TANC2: variants seen among roughly 807,000 people sequenced by gnomAD.
The protein encoded by TANC2 is tetratricopeptide repeat, ankyrin repeat and coiled-coil containing 2, also known as protein TANC2.
A neutral mutation model predicts 210.5 loss-of-function variants in TANC2; 26 were observed. That is an observed-to-expected ratio of 0.12 (90% CI 0.09 to 0.17). TANC2 has a LOEUF of 0.17. Among genes scored for constraint, TANC2 ranks in the 10% least tolerant of loss-of-function variants. TANC2 has a pLI of 1.00. For synonymous variants in TANC2, 931 were observed against 967.1 expected, an observed-to-expected ratio of 0.96 and a Z score of 0.69; for missense variants, 2,129 against 2,608.9, an observed-to-expected ratio of 0.82 and a Z score of 4.01.
intron 2 of TANC2, among the ~76,000 whole-genome samples, chr17:63,063,851 C>T (rs891805651): frequency 1.3e-5 from 2 of 152,082 alleles, no homozygotes; most frequent in Non-Finnish European, 2.9e-5. Flanking sequence ...TACCTTTTCA[C>T]GATTTTCTCT....
intron 1 of TANC2, among the ~76,000 whole-genome samples, chr17:63,006,828 G>A (rs997011667): frequency 1.3e-5 from 2 of 151,972 alleles, no homozygotes; most frequent in African/African-American, 4.8e-5. Flanking sequence ...ACAAAGGTGT[G>A]TTGGTCTCCC....
intron 1 of TANC2, chr17:63,004,772 T>C: frequency 2.9e-6 from 1 of 343,618 alleles, no homozygotes; most frequent in East Asian, 7.8e-5. Flanking sequence ...TTCCATTTTC[T>C]GCAGGGTTAT....
rs377361135 is a variant in TANC2 at position 63,420,895 on chromosome 17, A to G, written c.5165A>G (p.His1722Arg). 46 of 1,613,906 alleles carry G rather than the reference A, an allele frequency of 2.9e-5. No individual in the cohort carries two copies. Among genetic ancestry groups the G allele is most frequent in the Admixed American group, 6.7e-5 (4 of 60,002 alleles). Reference sequence around the variant, plus strand: ...ACAGGAGCCTATGGCCAAGTAGCCCATTCAATGGCCAGTAAATACCAGTCT... The same window carrying G: ...ACAGGAGCCTATGGCCAAGTAGCCCGTTCAATGGCCAGTAAATACCAGTCT... Residue 1722 changes from histidine to arginine, a missense_variant, in exon 28 of 28, where the codon CAT becomes CGT. Transcript: ENST00000689528. This position sits in a 1 kb window ranked among gnomAD's most constrained non-coding sequence, Gnocchi z 4.2.
At chr17:63,049,711 G>A (rs980533813) in intron 2 of TANC2, among the ~76,000 whole-genome samples, 3 of 152,158 alleles carry the variant, frequency 2.0e-5, no homozygotes, top group Non-Finnish European at 4.4e-5. Context: ...GATCTATTTT[G>A]TGTTTTAACA....
At chr17:62,991,981 C>T (rs2032894505) in intron 1 of TANC2, among the ~76,000 whole-genome samples, 1 of 151,952 alleles carries the variant, frequency 6.6e-6, no homozygotes, top group African/African-American at 2.4e-5. Context: ...GTCTGCCAAC[C>T]ATGGATCAAA....
At chr17:63,395,434 CAAAG>C (rs894110987) in intron 17 of TANC2, among the ~76,000 whole-genome samples, 4 of 151,990 alleles carry the variant, frequency 2.6e-5, no homozygotes, top group African/African-American at 9.7e-5. Flanking sequence ...TTTGAGGAGA[CAAAG>C]AAGAATTTAC....
chr17:63,254,501 C>G (rs987208602), intron 8 of TANC2, among the ~76,000 whole-genome samples: 2 of 152,250 alleles, frequency 1.3e-5, no homozygotes, highest in Non-Finnish European at 1.5e-5. Flanking sequence ...GCTGGGACTT[C>G]CAGAACTATG....
intron 4 of TANC2, among the ~76,000 whole-genome samples, chr17:63,124,555 G>A (rs2038630459): frequency 6.6e-6 from 1 of 152,132 alleles, no homozygotes; most frequent in East Asian, 1.9e-4. Context: ...ACATAAAATC[G>A]GTGGGAGAAG....
intron 5 of TANC2, among the ~76,000 whole-genome samples, chr17:63,179,438 TAAG>T (rs1303927804): frequency 6.6e-6 from 1 of 152,176 alleles, no homozygotes; most frequent in African/African-American, 2.4e-5. Context: ...ATTTGTAAGA[TAAG>T]AAATGTCGTG....
chr17:63,292,959 A>G (rs965478424), intron 9 of TANC2, among the ~76,000 whole-genome samples: 3 of 152,180 alleles, frequency 2.0e-5, no homozygotes, highest in Admixed American at 6.5e-5. Flanking sequence ...CCTCCCTGCT[A>G]TATGCTTCCC....
chr17:63,289,107 T>C (rs1335369123), intron 9 of TANC2, among the ~76,000 whole-genome samples: 5 of 152,180 alleles, frequency 3.3e-5, no homozygotes, highest in Non-Finnish European at 7.3e-5. Context: ...CTGGCTTCTT[T>C]CATGATTTGT....
chr17:63,081,576 A>G (rs1010651330), intron 3 of TANC2, among the ~76,000 whole-genome samples: 4 of 152,228 alleles, frequency 2.6e-5, no homozygotes, highest in Non-Finnish European at 5.9e-5. Flanking sequence ...CTCCAGGAAC[A>G]TACTTAAATT....
At chr17:63,387,283 G>A (rs2047815624) in intron 15 of TANC2, among the ~76,000 whole-genome samples, 1 of 152,150 alleles carries the variant, frequency 6.6e-6, no homozygotes, top group Non-Finnish European at 1.5e-5. Flanking sequence ...CCTTCCCACA[G>A]CATTATTCAC....
At chr17:63,121,454 TA>T (rs1167303938) in intron 4 of TANC2, among the ~76,000 whole-genome samples, 2 of 152,066 alleles carry the variant, frequency 1.3e-5, no homozygotes, top group African/African-American at 4.8e-5. Context: ...TCCATTGGCC[TA>T]CATCAGTGAT....
intron 15 of TANC2, among the ~76,000 whole-genome samples, chr17:63,382,689 T>G (rs2047650829): frequency 1.3e-5 from 2 of 152,244 alleles, no homozygotes; most frequent in South Asian, 4.1e-4. Flanking sequence ...ACCCCATTTC[T>G]CTGTCTCCCT....
intron 14 of TANC2, among the ~76,000 whole-genome samples, chr17:63,367,698 G>C (rs1203991222): frequency 6.6e-6 from 1 of 152,166 alleles, no homozygotes; most frequent in Non-Finnish European, 1.5e-5. Context: ...AAAGGAAAAG[G>C]TAATGGCAGT....
At chr17:63,026,756 G>A (rs2034570737) in intron 2 of TANC2, among the ~76,000 whole-genome samples, 1 of 152,122 alleles carries the variant, frequency 6.6e-6, no homozygotes, top group African/African-American at 2.4e-5. Context: ...TCCATACTCT[G>A]AATTTCTTTG....
In TANC2 at chr17:63,412,120, A is replaced by G; in HGVS notation, c.3888A>G (p.Gly1296=). 6.2e-7 allele frequency: 1 copy of G among 1,613,954 alleles called. No individual in the cohort carries two copies. The highest frequency in any genetic ancestry group is 8.5e-7 in the Non-Finnish European group (1 of 1,179,864). Residue 1296 remains glycine (G), a synonymous_variant, in exon 23 of 28, where the codon GGA becomes GGG. Transcript: ENST00000689528. This position sits in a 1 kb window ranked among gnomAD's most constrained non-coding sequence, Gnocchi z 4.2. ...TTGTTGTCACTCTTCTGAAGAAAGG[A>G]GCCAAGATAGGTAGGAGAAGGGAAG... is the stretch of plus-strand genomic sequence containing the variant.
intron 8 of TANC2, among the ~76,000 whole-genome samples, chr17:63,266,271 T>C (rs1401652116): frequency 6.6e-6 from 1 of 152,170 alleles, no homozygotes; most frequent in Admixed American, 6.5e-5. Context: ...GCTACATTCT[T>C]TAGTAAAATG....
Sources: gnomAD v4.1 joint callset for allele counts (sites outside exome capture counted in the v4.1 genomes callset) on GRCh38, gnomAD v4.1.1 for gene constraint, Gnocchi (gnomAD v3.1) non-coding constraint, MANE v1.5 for transcripts, NCBI Gene and HGNC (gene_info 2026-07-23, HGNC 2026-07-21) for gene names.